Variants in ERC2 observed in about 807,000 individuals in gnomAD.
ERC2 encodes ERC protein 2.
A neutral mutation model predicts 114.8 loss-of-function variants in ERC2; 42 were observed. The ratio of observed to expected loss-of-function variants is 0.37; its 90% CI spans 0.29 to 0.47. ERC2 has a LOEUF of 0.47. Among genes scored for constraint, ERC2 ranks in the 20% least tolerant of loss-of-function variants. ERC2 has a pLI of 0.99. For synonymous variants in ERC2, 454 were observed against 425.5 expected (o/e 1.07, Z -0.82); for missense variants, 939 against 1,150.7 (o/e 0.82, Z 2.66).
chr3:55,971,912 G>T (rs1004345327), intron 12 of ERC2, among the ~76,000 whole-genome samples: 7 of 152,104 alleles, frequency 4.6e-5, no homozygotes, highest in African/African-American at 1.7e-4. Context: ...ACACACAATA[G>T]ATCACTGTGC....
At chr3:56,271,448 C>A (rs953790238) in intron 3 of ERC2, among the ~76,000 whole-genome samples, 16 of 152,176 alleles carry the variant, frequency 1.1e-4, no homozygotes, top group African/African-American at 3.6e-4. Flanking sequence ...GCAGTGTGAA[C>A]TTAAACTCTC....
chr3:56,411,755 G>A (rs1366113277), intron 2 of ERC2, among the ~76,000 whole-genome samples: 3 of 152,114 alleles, frequency 2.0e-5, no homozygotes, highest in Non-Finnish European at 4.4e-5. Flanking sequence ...TCACAGGGCT[G>A]GTGAGTAGCA....
chr3:55,761,944 T>A (rs1163566070), intron 14 of ERC2, among the ~76,000 whole-genome samples: 1 of 73,450 alleles, frequency 1.4e-5, no homozygotes, highest in Non-Finnish European at 2.5e-5. Flanking sequence ...CTCCCTCCCT[T>A]CCTCTCTCTC....
intron 14 of ERC2, among the ~76,000 whole-genome samples, chr3:55,759,463 A>AAAAAC (rs1491165083): frequency 5.5e-3 from 13 of 2,356 alleles, no homozygotes; most frequent in African/African-American, 7.1e-3. Flanking sequence ...CTCTTTCATT[A>AAAAAC]AAAAAAAAAA....
intron 14 of ERC2, among the ~76,000 whole-genome samples, chr3:55,796,359 C>T (rs540419762): frequency 1.2e-4 from 18 of 152,298 alleles, no homozygotes; most frequent in Admixed American, 5.9e-4. Flanking sequence ...AAGACTTGAT[C>T]CAGAGTTTAG....
At chr3:56,261,075 C>G (rs2052889642) in intron 3 of ERC2, among the ~76,000 whole-genome samples, 1 of 152,218 alleles carries the variant, frequency 6.6e-6, no homozygotes, top group Non-Finnish European at 1.5e-5. Flanking sequence ...TTCCTTGGTT[C>G]TTCTAAGGTC....
chr3:55,607,614 G>GTTT (rs367596448), intron 17 of ERC2, among the ~76,000 whole-genome samples: 46 of 132,312 alleles, frequency 3.5e-4, no homozygotes, highest in African/African-American at 8.4e-4. Context: ...AAAATAGTGT[G>GTTT]TTTTTTTTTT....
Position 55,725,399 on chromosome 3 carries a change from T to C in ERC2, c.2712+9372A>G, listed in dbSNP as rs117372636. Reference sequence around the variant, plus strand: ...TTAAATAGGCATTTGTCACAAAAGGTGGGCTACAGATTGCCAATCACAGAA... The same window carrying C: ...TTAAATAGGCATTTGTCACAAAAGGCGGGCTACAGATTGCCAATCACAGAA... On this transcript the variant is annotated intron_variant, in intron 15 of 17. Transcript: ENST00000288221. 9.2e-4 allele frequency among the ~76,000 whole-genome samples: 140 copies of C among 152,296 alleles called. 2 individuals carry two copies. In the East Asian group the frequency reaches 0.026, roughly 28 times the overall value.
At chr3:56,262,792 A>G (rs914647114) in intron 3 of ERC2, among the ~76,000 whole-genome samples, 18 of 152,220 alleles carry the variant, frequency 1.2e-4, no homozygotes, top group African/African-American at 3.9e-4. Context: ...TTGGTCCCCA[A>G]TTTTGGTATC....
At chr3:55,744,472 C>G (rs1050523348) in intron 14 of ERC2, among the ~76,000 whole-genome samples, 1 of 152,132 alleles carries the variant, frequency 6.6e-6, no homozygotes, top group Non-Finnish European at 1.5e-5. Flanking sequence ...AGAAGTGCAA[C>G]TTTGTAACTT....
chr3:55,756,857 A>G (rs1174309231), intron 14 of ERC2, among the ~76,000 whole-genome samples: 2 of 152,180 alleles, frequency 1.3e-5, no homozygotes, highest in Non-Finnish European at 2.9e-5. Context: ...TCCCTCCCTC[A>G]AAGAGGGAGA....
At chr3:56,347,898 T>A (rs143065466) in intron 2 of ERC2, among the ~76,000 whole-genome samples, 1 of 152,190 alleles carries the variant, frequency 6.6e-6, no homozygotes, top group Non-Finnish European at 1.5e-5. Flanking sequence ...TAATTTTAAA[T>A]ATTAAATGCT....
chr3:55,796,339 A>C lies in ERC2; in HGVS notation c.2565-61421T>G, dbSNP rs779524065. ...GGTTGGTGAAGCTCATCAGCGATCC[A>C]AGACACAAAAAGACTTGATCCAGAG... On this transcript the variant is annotated intron_variant, in intron 14 of 17. Coordinates refer to ENST00000288221, the MANE Select transcript of ERC2 (RefSeq NM_015576.3). 2.7e-4 allele frequency among the ~76,000 whole-genome samples: 41 copies of C among 152,384 alleles called. 1 individual carries two copies. The highest frequency in any genetic ancestry group is 2.5e-3 in the South Asian group (12 of 4,832).
At chr3:56,127,337 A>G (rs1030081797) in intron 6 of ERC2, among the ~76,000 whole-genome samples, 1 of 152,200 alleles carries the variant, frequency 6.6e-6, no homozygotes, top group African/African-American at 2.4e-5. Context: ...ATGTGTATGG[A>G]ACCACAACAG....
chr3:55,864,140 CATAT>C lies in ERC2; in HGVS notation c.2564+24245_2564+24248del, dbSNP rs57657343. ...ATATACACACACACATATATATATA[CATAT>C]ATATATATATACACATATATATACA... is the stretch of plus-strand genomic sequence containing the variant. On this transcript the variant is annotated intron_variant, in intron 14 of 17. Coordinates refer to ENST00000288221, the MANE Select transcript of ERC2 (RefSeq NM_015576.3). 1.2e-3 allele frequency among the ~76,000 whole-genome samples: 166 copies of C among 137,174 alleles called. 1 individual carries two copies. The highest frequency in any genetic ancestry group is 4.3e-3 in the African/African-American group (154 of 35,994). 90.0% of individuals were successfully genotyped at this position (137,174 alleles called of 152,430 possible).
chr3:56,269,765 A>G (rs1215735451), intron 3 of ERC2, among the ~76,000 whole-genome samples: 1 of 152,206 alleles, frequency 6.6e-6, no homozygotes. Flanking sequence ...CAATCTGCTC[A>G]GAACGGTCTA....
intron 14 of ERC2, among the ~76,000 whole-genome samples, chr3:55,829,248 A>T (rs1272357105): frequency 2.0e-5 from 3 of 152,264 alleles, no homozygotes; most frequent in Non-Finnish European, 2.9e-5. Flanking sequence ...AATATCAGAC[A>T]AAGACTTTAA....
chr3:56,075,429 T>C (rs55959113), intron 7 of ERC2, among the ~76,000 whole-genome samples: 9,754 of 152,224 alleles, frequency 0.064, 676 homozygotes, highest in African/African-American at 0.18. Flanking sequence ...GCTGCCCTGG[T>C]TCTTGATCAT....
intron 14 of ERC2, among the ~76,000 whole-genome samples, chr3:55,812,516 G>C (rs1263468462): frequency 6.6e-6 from 1 of 152,162 alleles, no homozygotes; most frequent in African/African-American, 2.4e-5. Flanking sequence ...GAGAATAAGA[G>C]AGTCACAATT....
Sources: gnomAD v4.1 joint callset for allele counts (sites outside exome capture counted in the v4.1 genomes callset) on GRCh38, gnomAD v4.1.1 for gene constraint, MANE v1.5 for transcripts, NCBI Gene and HGNC (gene_info 2026-07-23, HGNC 2026-07-21) for gene names.